The following KLF9 variants were observed in gnomAD, a reference collection of about 807,000 sequenced individuals.
The protein encoded by KLF9 is KLF transcription factor 9, also known as Krueppel-like factor 9.
KLF9 carries 2 observed loss-of-function variants against 17.3 expected under a neutral mutation model. The ratio of observed to expected loss-of-function variants is 0.12; its 90% CI spans 0.05 to 0.36. The LOEUF is 0.36. KLF9 is among the 10% of genes least tolerant of loss of function. KLF9 has a pLI of 1.00. For missense variants in KLF9, 226 were observed against 333.2 expected (o/e 0.68, Z 2.51); for synonymous variants, 138 against 139.2 (o/e 0.99, Z 0.06).
intron 1 of KLF9, among the ~76,000 whole-genome samples, chr9:70,403,512 G>C (rs2037238424): frequency 6.6e-6 from 1 of 152,104 alleles, no homozygotes; most frequent in African/African-American, 2.4e-5. Flanking sequence ...TGGAACTGCG[G>C]GCAGCCATCT....
chr9:70,400,121 A>G (rs73649115), intron 1 of KLF9, among the ~76,000 whole-genome samples: 322 of 152,242 alleles, frequency 2.1e-3, no homozygotes, highest in African/African-American at 7.3e-3. Context: ...CACAGGCCAT[A>G]ACACCTGAGG....
intron 1 of KLF9, among the ~76,000 whole-genome samples, chr9:70,391,387 C>T (rs924035758): frequency 6.6e-6 from 1 of 152,026 alleles, no homozygotes; most frequent in Non-Finnish European, 1.5e-5. Flanking sequence ...TCTTGACTGC[C>T]CCTTGGAGCT....
At chr9:70,388,083 C>A in intron 1 of KLF9, 78 bp from the exon 2 acceptor site, 1 of 1,104,486 alleles carries the variant, frequency 9.1e-7, no homozygotes, top group South Asian at 1.4e-5. Context: ...GTCAATAGTC[C>A]CTACGACTCA....
chr9:70,393,621 A>G (rs963952431), intron 1 of KLF9, among the ~76,000 whole-genome samples: 2 of 152,212 alleles, frequency 1.3e-5, no homozygotes, highest in African/African-American at 4.8e-5. Context: ...CAAAATCAAA[A>G]GCTTCCATTG....
chr9:70,388,858 C>T (rs2037132778), intron 1 of KLF9, among the ~76,000 whole-genome samples: 1 of 152,210 alleles, frequency 6.6e-6, no homozygotes, highest in South Asian at 2.1e-4. Flanking sequence ...TAAGTTTGTG[C>T]CAGGTGTGTA....
chr9:70,409,013 C>CATATATGTATATATATATAT (rs1564089081), intron 1 of KLF9, among the ~76,000 whole-genome samples: 1 of 35,886 alleles, frequency 2.8e-5, no homozygotes, highest in African/African-American at 1.2e-4. Flanking sequence ...TATATATATA[C>CATATATGTATATATATATAT]ACATATATGT....
At chr9:70,411,037 G>T (rs142034574) in intron 1 of KLF9, among the ~76,000 whole-genome samples, 114 of 152,308 alleles carry the variant, frequency 7.5e-4, no homozygotes, top group African/African-American at 2.7e-3. Context: ...AGGTTCTCCT[G>T]AAACAGCTGA....
At chr9:70,403,975 C>T (rs2037240783) in intron 1 of KLF9, among the ~76,000 whole-genome samples, 3 of 152,098 alleles carry the variant, frequency 2.0e-5, no homozygotes, top group South Asian at 2.1e-4. Context: ...TTCCCACTGG[C>T]GGAAACTCAA....
At chr9:70,408,346 C>A (rs1404034924) in intron 1 of KLF9, among the ~76,000 whole-genome samples, 2 of 152,106 alleles carry the variant, frequency 1.3e-5, no homozygotes, top group Non-Finnish European at 1.5e-5. Context: ...CTGTGCAAGC[C>A]CCACTCAGGC....
At chr9:70,394,203 G>GT in intron 1 of KLF9, among the ~76,000 whole-genome samples, 1 of 151,816 alleles carries the variant, frequency 6.6e-6, no homozygotes, top group East Asian at 1.9e-4. Flanking sequence ...GGGCAACACA[G>GT]TAACACCCCA....
Position 70,389,541 on chromosome 9 carries a change from C to T in KLF9, c.506-1536G>A, listed in dbSNP as rs145684665. ...TTGACAATTTCCACATCCCTCTTTC[C>T]GATTGCTTTCCTTGGATTCACACTA... On this transcript the variant is annotated intron_variant, in intron 1 of 1. Coordinates refer to ENST00000377126, the MANE Select transcript of KLF9 (RefSeq NM_001206.4). 2.5e-3 allele frequency among the ~76,000 whole-genome samples: 381 copies of T among 152,266 alleles called. 2 individuals are homozygous for T. Among genetic ancestry groups the T allele is most frequent in the African/African-American group, 6.4e-3 (264 of 41,542 alleles).
rs534346533 is a variant in KLF9, at chr9:70,387,658, G to A, written c.*118C>T. 1 of 789,742 alleles carries A rather than the reference G, an allele frequency of 1.3e-6. No homozygotes were observed. The highest frequency in any genetic ancestry group is 1.6e-5 in the South Asian group (1 of 62,896). The allele number at this position is 789,742 out of a possible 1,614,324, so 48.9% of individuals were successfully genotyped here. A position where few individuals can be genotyped will look rare whatever the true frequency, so the allele number is the denominator to read the frequency against. On this transcript the variant is annotated 3_prime_UTR_variant, in exon 2 of 2. Coordinates refer to ENST00000377126, the MANE Select transcript of KLF9 (RefSeq NM_001206.4). The stretch of plus-strand genomic sequence containing the variant: ...AAATCAGAATATTGACCAAAGAGCA[G>A]TGACTTCCTGTGCCGTCAAGTGTGC...
At chr9:70,401,162 C>G (rs1440545821) in intron 1 of KLF9, among the ~76,000 whole-genome samples, 1 of 138,008 alleles carries the variant, frequency 7.2e-6, no homozygotes, top group African/African-American at 2.7e-5. Context: ...AGCGAGATCC[C>G]ATCTCCAAAA....
chr9:70,411,593 A>G (rs1044425923), intron 1 of KLF9, among the ~76,000 whole-genome samples: 1 of 152,242 alleles, frequency 6.6e-6, no homozygotes, highest in African/African-American at 2.4e-5. Context: ...TCCAAAGGAA[A>G]TGGAATGAGA....
intron 1 of KLF9, among the ~76,000 whole-genome samples, chr9:70,388,541 C>T (rs1213657173): frequency 6.6e-6 from 1 of 152,176 alleles, no homozygotes; most frequent in Non-Finnish European, 1.5e-5. Flanking sequence ...CCATTTGGTA[C>T]CCTATGGGTC....
Position 70,408,153 on chromosome 9 carries a change from C to T in KLF9, c.505+4706G>A, listed in dbSNP as rs188714973. ...CTTTGTGAGGCCGAGGTGAGCAGAT[C>T]ACTTGAAGTCAGGAGTTCGAGACTA... On this transcript the variant is annotated intron_variant, in intron 1 of 1. Coordinates refer to ENST00000377126, the MANE Select transcript of KLF9 (RefSeq NM_001206.4). Among the ~76,000 whole-genome samples, 109 of 152,246 alleles carry T rather than the reference C, an allele frequency of 7.2e-4. 1 individual carries two copies. Among genetic ancestry groups the T allele is most frequent in the Non-Finnish European group, 7.5e-4 (51 of 68,016 alleles).
chr9:70,394,657 ACTTTCT>A (rs1217498802), intron 1 of KLF9, among the ~76,000 whole-genome samples: 2 of 137,154 alleles, frequency 1.5e-5, no homozygotes, highest in Non-Finnish European at 3.2e-5. Flanking sequence ...AGTTGACACA[ACTTTCT>A]CTTTGAAAAA....
intron 1 of KLF9, among the ~76,000 whole-genome samples, chr9:70,403,795 T>C (rs1003567561): frequency 6.6e-6 from 1 of 152,160 alleles, no homozygotes; most frequent in East Asian, 1.9e-4. Flanking sequence ...TCTGGATAAC[T>C]ATGGAAAATA....
intron 1 of KLF9, among the ~76,000 whole-genome samples, chr9:70,402,192 C>T (rs1011371524): frequency 5.9e-5 from 9 of 152,192 alleles, no homozygotes; most frequent in East Asian, 1.9e-4. Context: ...GATTACAATA[C>T]GAGAGAAAGC....
Sources: allele counts gnomAD v4.1 joint callset (sites outside exome capture counted in the v4.1 genomes callset), GRCh38; gene constraint gnomAD v4.1.1; transcripts MANE v1.5; gene names NCBI Gene and HGNC (gene_info 2026-07-23, HGNC 2026-07-21).